The following SETD3 variants were observed in gnomAD, a reference collection of about 807,000 sequenced individuals.
SETD3 encodes the protein actin-histidine N-methyltransferase.
Under a neutral mutation model 63.0 loss-of-function variants are expected in SETD3, and 19 were observed. The ratio of observed to expected loss-of-function variants is 0.30; its 90% CI spans 0.21 to 0.44. The LOEUF (loss-of-function observed/expected upper bound fraction) is 0.44, where lower values mean the gene tolerates loss of function less well. Ranked by LOEUF, SETD3 falls within the 20% of genes least tolerant of loss-of-function variation. SETD3 has a pLI of 1.00. For synonymous variants in SETD3, 286 were observed against 264.1 expected (o/e 1.08, Z -0.80); for missense variants, 587 against 728.5 (o/e 0.81, Z 2.24).
upstream of SETD3, chr14:99,481,402 G>T (rs1896310043): frequency 1.5e-5 from 6 of 398,648 alleles, no homozygotes; most frequent in Non-Finnish European, 2.7e-5. Context: ...TGATGACGTA[G>T]GTCCCCGACA....
chr14:99,444,509 A>C (rs1040522829), intron 6 of SETD3: 1 of 152,216 alleles, frequency 6.6e-6, no homozygotes, highest in Non-Finnish European at 1.5e-5. Flanking sequence ...AAGAAATGAA[A>C]AACTGAGATG....
chr14:99,403,453 A>ACTCTCTCTCTCTCTCTCTCTCTCTCT lies in SETD3; in HGVS notation c.1177+771_1177+772insAGAGAGAGAGAGAGAGAGAGAGAGAG, dbSNP rs1188702914. Among the ~76,000 whole-genome samples the ACTCTCTCTCTCTCTCTCTCTCTCTCT allele has an allele frequency of 3.5e-4, 37 of 106,196 alleles. 2 individuals carry two copies. The East Asian group carries it at 5.7e-3, about 16-fold the overall frequency. The allele number at this position is 106,196 out of a possible 152,430, so 69.7% of individuals were successfully genotyped here. A position where few individuals can be genotyped will look rare whatever the true frequency, so the allele number is the denominator to read the frequency against. ...CATACACACACACACACACACACAC[A>ACTCTCTCTCTCTCTCTCTCTCTCTCT]CACTCTCTCTCTCTCTCTCTCTCTC... On this transcript the variant is annotated intron_variant, in intron 11 of 12. Transcript: ENST00000331768.
chr14:99,414,008 C>T, intron 6 of SETD3, 74 bp from the exon 7 acceptor site: 1 of 1,349,480 alleles, frequency 7.4e-7, no homozygotes, highest in Non-Finnish European at 1.1e-6. Context: ...AGCAGAATTT[C>T]ATTATTTAGC....
chr14:99,427,497 T>C (rs973243237), intron 6 of SETD3, among the ~76,000 whole-genome samples: 1 of 152,168 alleles, frequency 6.6e-6, no homozygotes, highest in African/African-American at 2.4e-5. Flanking sequence ...TCAAGAAAGA[T>C]TTTGCTTAAT....
intron 6 of SETD3, among the ~76,000 whole-genome samples, chr14:99,453,524 T>C (rs1422206024): frequency 6.6e-6 from 1 of 152,016 alleles, no homozygotes; most frequent in Non-Finnish European, 1.5e-5. Flanking sequence ...TTTAAATCAT[T>C]AGAAATTTTC....
chr14:99,446,807 C>T (rs1053944252), intron 6 of SETD3, among the ~76,000 whole-genome samples: 4 of 151,958 alleles, frequency 2.6e-5, no homozygotes, highest in East Asian at 1.9e-4. Context: ...TTGCCAGTCC[C>T]GAGGGCAGGA....
At chr14:99,444,550 T>C (rs929943166) in intron 6 of SETD3, 1 of 152,220 alleles carries the variant, frequency 6.6e-6, no homozygotes, top group Non-Finnish European at 1.5e-5. Flanking sequence ...TCTGCTCTGA[T>C]CTTATACATT....
intron 6 of SETD3, among the ~76,000 whole-genome samples, chr14:99,447,200 C>T (rs911835303): frequency 3.3e-5 from 5 of 152,050 alleles, no homozygotes; most frequent in African/African-American, 4.8e-5. Context: ...CTTAAACTCC[C>T]GACCTCAGGT....
chr14:99,429,045 A>C, intron 6 of SETD3, among the ~76,000 whole-genome samples: 1 of 152,236 alleles, frequency 6.6e-6, no homozygotes. Context: ...GTACTTCTCA[A>C]AAAAATTCAC....
At chr14:99,457,607 T>G (rs969630648) in intron 6 of SETD3, among the ~76,000 whole-genome samples, 1 of 152,172 alleles carries the variant, frequency 6.6e-6, no homozygotes, top group African/African-American at 2.4e-5. Flanking sequence ...GACTCTTGAG[T>G]GATTCAGATT....
upstream of SETD3, chr14:99,481,616 T>C (rs1368478068): frequency 2.6e-6 from 1 of 392,036 alleles, no homozygotes; most frequent in Non-Finnish European, 4.5e-6. Flanking sequence ...TAACCTCCGG[T>C]ACACATTGAA....
chr14:99,468,156 T>TAAAAA (rs34626094), intron 1 of SETD3, among the ~76,000 whole-genome samples: 1 of 131,948 alleles, frequency 7.6e-6, no homozygotes, highest in Non-Finnish European at 1.6e-5. Context: ...AATACAGATT[T>TAAAAA]AAAAAAAAAA....
chr14:99,455,493 T>C (rs898921793), intron 6 of SETD3, among the ~76,000 whole-genome samples: 3 of 152,204 alleles, frequency 2.0e-5, no homozygotes, highest in Non-Finnish European at 2.9e-5. Context: ...GGGGTATGTG[T>C]TAAATGCCAG....
intron 6 of SETD3, among the ~76,000 whole-genome samples, 153 bp from the exon 7 acceptor site, chr14:99,414,087 G>A (rs1323854845): frequency 7.9e-5 from 12 of 152,246 alleles, no homozygotes; most frequent in Admixed American, 3.9e-4. Context: ...AGGGATCATC[G>A]CGCTGTTATG....
intron 6 of SETD3, among the ~76,000 whole-genome samples, chr14:99,428,142 G>A (rs909615170): frequency 6.6e-6 from 1 of 152,212 alleles, no homozygotes; most frequent in African/African-American, 2.4e-5. Context: ...GAGCATTAGA[G>A]TATTAGCTAT....
At chr14:99,462,567 G>T (rs1198412716) in intron 3 of SETD3, among the ~76,000 whole-genome samples, 2 of 152,118 alleles carry the variant, frequency 1.3e-5, no homozygotes, top group African/African-American at 2.4e-5. Flanking sequence ...TCAGTGTCAG[G>T]TATAGTAAAC....
chr14:99,480,254 G>A (rs925292799), intron 1 of SETD3, among the ~76,000 whole-genome samples: 8 of 152,204 alleles, frequency 5.3e-5, no homozygotes, highest in East Asian at 1.9e-4. Flanking sequence ...CGGGAGGAAG[G>A]AAGGAAATGG....
intron 6 of SETD3, among the ~76,000 whole-genome samples, chr14:99,445,124 T>A (rs1286958940): frequency 6.6e-6 from 1 of 152,140 alleles, no homozygotes; most frequent in Non-Finnish European, 1.5e-5. Context: ...TTGGCAAATA[T>A]CCCAAATGAA....
chr14:99,414,176 C>T (rs7141849), intron 6 of SETD3, among the ~76,000 whole-genome samples: 338 of 152,354 alleles, frequency 2.2e-3, no homozygotes, highest in African/African-American at 7.7e-3. Flanking sequence ...TCGATACTAG[C>T]ACCCACAGAC....
Sources: gnomAD v4.1 joint callset for allele counts (sites outside exome capture counted in the v4.1 genomes callset) on GRCh38, gnomAD v4.1.1 for gene constraint, MANE v1.5 for transcripts, NCBI Gene and HGNC (gene_info 2026-07-23, HGNC 2026-07-21) for gene names.